MAST4: variants seen among roughly 807,000 people sequenced by gnomAD.
The protein encoded by MAST4 is microtubule-associated serine/threonine-protein kinase 4.
Under a neutral mutation model 162.7 loss-of-function variants are expected in MAST4, and 89 were observed. That is an observed-to-expected ratio of 0.55 (90% confidence interval 0.46 to 0.65). The LOEUF is 0.65. Among genes scored for constraint, MAST4 ranks in the 30% least tolerant of loss-of-function variants. The pLI is 0.00. For synonymous variants in MAST4, 1,479 were observed against 1,361.1 expected (o/e 1.09, Z -1.91); for missense variants, 3,153 against 3,374.0 (o/e 0.93, Z 1.62).
At chr5:66,781,910 A>G (rs750894616) in intron 2 of MAST4, among the ~76,000 whole-genome samples, 1 of 152,152 alleles carries the variant, frequency 6.6e-6, no homozygotes, top group African/African-American at 2.4e-5. Context: ...TTAATTCTTT[A>G]TATGGCCATT....
intron 4 of MAST4, among the ~76,000 whole-genome samples, chr5:66,907,587 CGTGTGTGTGTGTGTGTGT>C (rs59273615): frequency 1.4e-3 from 196 of 144,240 alleles, no homozygotes; most frequent in African/African-American, 3.8e-3. Flanking sequence ...TAGGTTGATG[CGTGTGTGTGTGTGTGTGT>C]GTGTGTGTGT....
At chr5:66,609,708 T>G (rs1743162398) in intron 1 of MAST4, among the ~76,000 whole-genome samples, 2 of 139,666 alleles carry the variant, frequency 1.4e-5, no homozygotes, top group East Asian at 2.2e-4. Context: ...TTTTTTTGTT[T>G]TTTTTTTTTT....
intron 4 of MAST4, among the ~76,000 whole-genome samples, chr5:67,017,926 C>T (rs1032977449): frequency 1.3e-5 from 2 of 152,140 alleles, no homozygotes; most frequent in East Asian, 3.9e-4. Context: ...AAAAATTTTA[C>T]ATAGATTGAG....
At chr5:67,100,967 G>A (rs1273591673) in intron 8 of MAST4, among the ~76,000 whole-genome samples, 2 of 152,180 alleles carry the variant, frequency 1.3e-5, no homozygotes, top group Non-Finnish European at 2.9e-5. Flanking sequence ...TAAAATTCCA[G>A]ATTCCATATT....
At chr5:66,910,126 G>A (rs1159502885) in intron 4 of MAST4, among the ~76,000 whole-genome samples, 2 of 152,110 alleles carry the variant, frequency 1.3e-5, no homozygotes, top group African/African-American at 4.8e-5. Flanking sequence ...CCCAATAAAG[G>A]GTAGACCTCA....
chr5:66,940,937 A>G (rs1233756217), intron 4 of MAST4, among the ~76,000 whole-genome samples: 1 of 152,176 alleles, frequency 6.6e-6, no homozygotes. Flanking sequence ...TGAAAACAAT[A>G]TCAATTTCTT....
At chr5:66,632,044 T>G (rs1394319457) in intron 1 of MAST4, among the ~76,000 whole-genome samples, 2 of 152,188 alleles carry the variant, frequency 1.3e-5, no homozygotes, top group Non-Finnish European at 2.9e-5. Context: ...TACAGTGATA[T>G]GCTTAAAATC....
intron 1 of MAST4, among the ~76,000 whole-genome samples, chr5:66,695,439 C>T (rs1006517913): frequency 6.6e-4 from 101 of 152,212 alleles, no homozygotes; most frequent in Middle Eastern, 3.4e-3. Context: ...AGTTTGAAGT[C>T]GGGTAGCATG....
chr5:66,616,968 A>G lies in MAST4; in HGVS notation c.363+19950A>G, dbSNP rs548542524. ...CTATAAAAACATAGAAAGCCAGGAA[A>G]AAATGGTTTTAACTAAAGTGGTTGA... On this transcript the variant is annotated intron_variant, in intron 1 of 28. Coordinates refer to ENST00000403625, the MANE Select transcript of MAST4 (RefSeq NM_001164664.2). 2.2e-4 allele frequency among the ~76,000 whole-genome samples: 33 copies of G among 152,348 alleles called. 1 individual carries two copies. The highest frequency in any genetic ancestry group is 4.1e-4 in the South Asian group (2 of 4,826).
At position 67,005,096 on chromosome 5, in the gene MAST4, G is replaced by A. The variant is rs891768779; in HGVS notation, c.675-49308G>A. 5 of 748,442 alleles carry A rather than the reference G, an allele frequency of 6.7e-6. No homozygotes were observed. The African/African-American group carries it at 8.5e-5, about 13-fold the overall frequency. 46.4% of individuals were successfully genotyped at this position (748,442 alleles called of 1,614,324 possible). A position where few individuals can be genotyped will look rare whatever the true frequency, so the allele number is the denominator to read the frequency against. On this transcript the variant is annotated intron_variant, in intron 4 of 28. Transcript: ENST00000403625. ...TCGGCGAACACAAAGGTAAAAACGC[G>A]GGGATCTCTGCCTGGAGAGGGAATG...
chr5:66,716,952 A>G (rs16895533), intron 1 of MAST4, among the ~76,000 whole-genome samples: 2,691 of 152,312 alleles, frequency 0.018, 80 homozygotes, highest in African/African-American at 0.06. Context: ...TGCATTATGC[A>G]TGGGTCTCAC....
At chr5:66,782,162 G>A (rs1396369806) in intron 2 of MAST4, among the ~76,000 whole-genome samples, 3 of 151,840 alleles carry the variant, frequency 2.0e-5, no homozygotes, top group Admixed American at 1.3e-4. Flanking sequence ...GGTGGTGGGC[G>A]CCTGTAATCC....
rs1761825845 is a variant in MAST4 at position 66,883,420 on chromosome 5, CTGTTTT to C, written c.643-16529_643-16524del. Among the ~76,000 whole-genome samples, 9 of 125,514 alleles carry C rather than the reference CTGTTTT, an allele frequency of 7.2e-5. 1 individual carries two copies. Among genetic ancestry groups the C allele is most frequent in the Admixed American group, 9.0e-5 (1 of 11,136 alleles). 82.3% of individuals were successfully genotyped at this position (125,514 alleles called of 152,430 possible). A position where few individuals can be genotyped will look rare whatever the true frequency, so the allele number is the denominator to read the frequency against. On this transcript the variant is annotated intron_variant, in intron 3 of 28. Transcript: ENST00000403625. ...AGGGCACAGTTGTGTTGTTCTGTCA[CTGTTTT>C]TTTTTTTTTTTTTTTTTTTTTAGAT...
chr5:66,730,425 A>G (rs1751770824), intron 1 of MAST4, among the ~76,000 whole-genome samples: 1 of 152,164 alleles, frequency 6.6e-6, no homozygotes, highest in African/African-American at 2.4e-5. Context: ...CATTTAAACC[A>G]AGATCCAATA....
chr5:67,023,189 A>G (rs943571075), intron 4 of MAST4, among the ~76,000 whole-genome samples: 15 of 152,218 alleles, frequency 9.9e-5, no homozygotes, highest in African/African-American at 2.7e-4. Flanking sequence ...TCTAAGTTAC[A>G]TATTCCATTG....
chr5:66,965,429 T>C (rs1032756484), intron 4 of MAST4, among the ~76,000 whole-genome samples: 18 of 151,790 alleles, frequency 1.2e-4, no homozygotes, highest in African/African-American at 4.4e-4. Context: ...ATGGCATCAT[T>C]AGTAGAAGAG....
At chr5:66,641,720 T>C (rs1281951777) in intron 1 of MAST4, among the ~76,000 whole-genome samples, 1 of 152,162 alleles carries the variant, frequency 6.6e-6, no homozygotes, top group Non-Finnish European at 1.5e-5. Flanking sequence ...TTCAAAAGGA[T>C]TCAGGAGTCT....
At chr5:66,660,443 A>G (rs16895422) in intron 1 of MAST4, among the ~76,000 whole-genome samples, 16,159 of 152,286 alleles carry the variant, frequency 0.11, 1,060 homozygotes, top group East Asian at 0.27. Context: ...TACATTATCC[A>G]CAGATGGGTA....
Position 66,860,670 on chromosome 5 carries a change from C to G in MAST4, c.643-39281C>G, listed in dbSNP as rs577907741. The stretch of plus-strand genomic sequence containing the variant: ...TTCTTGTTTTTCCTTCCAAACACTT[C>G]CTGTGCTTCTATCTTTCTGTCATCT... On this transcript the variant is annotated intron_variant, in intron 3 of 28. Transcript: ENST00000403625. 1.8e-3 allele frequency among the ~76,000 whole-genome samples: 277 copies of G among 150,116 alleles called. 2 individuals carry two copies. The highest frequency in any genetic ancestry group is 6.0e-3 in the African/African-American group (243 of 40,816).
Sources: allele counts gnomAD v4.1 joint callset (sites outside exome capture counted in the v4.1 genomes callset), GRCh38; gene constraint gnomAD v4.1.1; transcripts MANE v1.5; gene names NCBI Gene and HGNC (gene_info 2026-07-23, HGNC 2026-07-21).